TNR: variants seen among roughly 807,000 people sequenced by gnomAD.
TNR encodes the protein tenascin-R.
TNR carries 45 observed loss-of-function variants against 150.4 expected under a neutral mutation model. That is an observed-to-expected ratio of 0.30 (90% CI 0.24 to 0.38). The LOEUF (loss-of-function observed/expected upper bound fraction) is 0.38. Among genes scored for constraint, TNR ranks in the 10% least tolerant of loss-of-function variants. The pLI, the probability that TNR is intolerant of heterozygous loss-of-function variation, is 1.00. For missense variants in TNR, 1,544 were observed against 1,759.1 expected (o/e 0.88, Z 2.19); for synonymous variants, 687 against 678.4 (o/e 1.01, Z -0.20).
chr1:175,655,204 T>G (rs540867559), intron 1 of TNR, among the ~76,000 whole-genome samples: 1 of 152,280 alleles, frequency 6.6e-6, no homozygotes, highest in Admixed American at 6.5e-5. Context: ...AAGGGCAACA[T>G]GTACCCACAA....
chr1:175,343,803 A>G (rs534977558), intron 18 of TNR, among the ~76,000 whole-genome samples: 1 of 152,356 alleles, frequency 6.6e-6, no homozygotes, highest in African/African-American at 2.4e-5. Context: ...CATTTGGGAC[A>G]ACACAATTTA....
chr1:175,454,922 T>C (rs778511767), intron 2 of TNR, among the ~76,000 whole-genome samples: 80 of 152,306 alleles, frequency 5.3e-4, no homozygotes, highest in Non-Finnish European at 7.8e-4. Flanking sequence ...GGGGTCTATA[T>C]CCCTTCCTCT....
chr1:175,356,170 T>A (rs1571331622), intron 16 of TNR, 149 bp downstream of exon 16: 1 of 1,109,548 alleles, frequency 9.0e-7, no homozygotes, highest in East Asian at 2.5e-5. Context: ...TTAGTTTCAC[T>A]GAATTTGGGC....
chr1:175,689,056 TA>T (rs1666281795), intron 1 of TNR, among the ~76,000 whole-genome samples: 1 of 152,230 alleles, frequency 6.6e-6, no homozygotes, highest in African/African-American at 2.4e-5. Context: ...CACAGGTAAC[TA>T]GAGTTCTTGG....
intron 2 of TNR, among the ~76,000 whole-genome samples, chr1:175,450,119 G>C (rs2102091852): frequency 6.6e-6 from 1 of 152,268 alleles, no homozygotes; most frequent in African/African-American, 2.4e-5. Flanking sequence ...CTCCTTCACT[G>C]TCTTATGCAT....
chr1:175,462,315 G>C (rs1025219842), intron 2 of TNR, among the ~76,000 whole-genome samples: 1 of 152,166 alleles, frequency 6.6e-6, no homozygotes, highest in Non-Finnish European at 1.5e-5. Flanking sequence ...GAAGCAACTT[G>C]AACAATGAAG....
chr1:175,509,845 C>T (rs1659098107), intron 2 of TNR, among the ~76,000 whole-genome samples: 2 of 152,034 alleles, frequency 1.3e-5, no homozygotes. Flanking sequence ...CTTCTTTTTC[C>T]TGAGGATTGA....
At chr1:175,653,460 CA>C (rs1419017989) in intron 1 of TNR, among the ~76,000 whole-genome samples, 4 of 151,996 alleles carry the variant, frequency 2.6e-5, no homozygotes, top group African/African-American at 9.7e-5. Context: ...AAAACAAAAA[CA>C]AAAACAGCAG....
intron 2 of TNR, among the ~76,000 whole-genome samples, chr1:175,422,231 G>T (rs1259470758): frequency 6.6e-6 from 1 of 152,202 alleles, no homozygotes; most frequent in Non-Finnish European, 1.5e-5. Flanking sequence ...AGCAGAACTT[G>T]TTTTTACACT....
chr1:175,379,762 C>A (rs1416431862), intron 8 of TNR, 25 bp from the exon 9 acceptor site: 1 of 1,611,956 alleles, frequency 6.2e-7, no homozygotes, highest in Non-Finnish European at 8.5e-7. Context: ...ACATCACCAA[C>A]ATCGCACATG....
At chr1:175,470,611 T>C (rs1657244654) in intron 2 of TNR, among the ~76,000 whole-genome samples, 3 of 152,216 alleles carry the variant, frequency 2.0e-5, no homozygotes, top group South Asian at 2.1e-4. Flanking sequence ...TCATGGAGAA[T>C]GGGGTATCTA....
At chr1:175,680,528 G>C (rs1230520040) in intron 1 of TNR, among the ~76,000 whole-genome samples, 2 of 152,174 alleles carry the variant, frequency 1.3e-5, no homozygotes, top group Non-Finnish European at 2.9e-5. Flanking sequence ...GCTGAACCCT[G>C]TGTGCCATCG....
At chr1:175,429,554 A>G (rs1655167305) in intron 2 of TNR, among the ~76,000 whole-genome samples, 1 of 152,250 alleles carries the variant, frequency 6.6e-6, no homozygotes, top group South Asian at 2.1e-4. Context: ...TAACTACTAC[A>G]TGAAAATACT....
intron 2 of TNR, among the ~76,000 whole-genome samples, chr1:175,455,152 C>T (rs989629744): frequency 6.6e-6 from 1 of 152,188 alleles, no homozygotes; most frequent in African/African-American, 2.4e-5. Context: ...CATGAAGAAG[C>T]CATCCTGGAA....
chr1:175,511,526 C>T lies in TNR; in HGVS notation c.-64+16743G>A, dbSNP rs567916432. On this transcript the variant is annotated intron_variant, in intron 2 of 22. Transcript: ENST00000367674. Reference sequence around the variant, plus strand: ...AATAAACATTCATGAAAGGTCTCTACATTCCCTCTATGATGACCCTGTGAC... The same window carrying T: ...AATAAACATTCATGAAAGGTCTCTATATTCCCTCTATGATGACCCTGTGAC... 6.6e-5 allele frequency among the ~76,000 whole-genome samples: 10 copies of T among 152,330 alleles called. No homozygotes were observed. In the South Asian group the frequency reaches 1.7e-3, roughly 25 times the overall value.
intron 1 of TNR, among the ~76,000 whole-genome samples, chr1:175,563,766 G>A (rs2102212697): frequency 6.6e-6 from 1 of 152,262 alleles, no homozygotes; most frequent in East Asian, 1.9e-4. Flanking sequence ...TGTGAGTGCT[G>A]GTATTGTCCT....
At chr1:175,532,092 A>T (rs2102180107) in intron 1 of TNR, among the ~76,000 whole-genome samples, 1 of 152,358 alleles carries the variant, frequency 6.6e-6, no homozygotes, top group East Asian at 1.9e-4. Flanking sequence ...ACTTCACAGT[A>T]ACAGTTCTTT....
chr1:175,411,708 A>G (rs1654225116), intron 2 of TNR, among the ~76,000 whole-genome samples: 1 of 151,778 alleles, frequency 6.6e-6, no homozygotes, highest in Middle Eastern at 3.2e-3. Context: ...GTCACAATGG[A>G]TTAGAGGAAC....
At chr1:175,604,509 C>A (rs113888760) in intron 1 of TNR, among the ~76,000 whole-genome samples, 56 of 152,288 alleles carry the variant, frequency 3.7e-4, no homozygotes, top group African/African-American at 1.3e-3. Flanking sequence ...GAAGGCTGGG[C>A]AGCATAAAGA....
Sources: gnomAD v4.1 joint callset for allele counts (sites outside exome capture counted in the v4.1 genomes callset) on GRCh38, gnomAD v4.1.1 for gene constraint, MANE v1.5 for transcripts, NCBI Gene and HGNC (gene_info 2026-07-23, HGNC 2026-07-21) for gene names.